IGFL2: variants seen among roughly 807,000 people sequenced by gnomAD.
IGFL2 encodes insulin growth factor-like family member 2.
A neutral mutation model predicts 13.9 loss-of-function variants in IGFL2; 7 were observed. The ratio of observed to expected loss-of-function variants is 0.51; its 90% CI spans 0.29 to 0.95. The LOEUF (loss-of-function observed/expected upper bound fraction) is 0.95. Among genes scored for constraint, IGFL2 ranks in the 40% least tolerant of loss-of-function variants. The pLI is 0.08. For synonymous variants in IGFL2, 55 were observed against 55.8 expected, an observed-to-expected ratio of 0.99 and a Z score of 0.07; for missense variants, 138 against 147.8, an observed-to-expected ratio of 0.93 and a Z score of 0.34.
At chr19:46,084,966 T>A in the IGFL2 span, among the ~76,000 whole-genome samples, 2,051 of 152,214 alleles carry the variant, frequency 0.013, 32 homozygotes, top group Middle Eastern at 0.027. Flanking sequence ...CAGTCAAAAG[T>A]CTCAAGTCTC....
At chr19:46,211,258 T>G in the IGFL2 span, among the ~76,000 whole-genome samples, 1 of 152,196 alleles carries the variant, frequency 6.6e-6, no homozygotes, top group Non-Finnish European at 1.5e-5. Context: ...TAGGCTTTGG[T>G]CAACAGAAGC....
chr19:46,156,293 G>C lies in IGFL2; in HGVS notation c.20-4122G>C, dbSNP rs149701832. On this transcript the variant is annotated intron_variant, in intron 1 of 3. Coordinates refer to ENST00000377693, the MANE Select transcript of IGFL2 (RefSeq NM_001135113.2). ...TTCCCATTTACTTAGGTGTTCTTTA[G>C]TATCTTTCAGCAGAGTTTTGCAGAG... Among the ~76,000 whole-genome samples, 6 of 152,262 alleles carry C rather than the reference G, an allele frequency of 3.9e-5. No homozygotes were observed. In the East Asian group the frequency reaches 1.2e-3, roughly 29 times the overall value.
At chr19:46,151,474 G>C (rs1052720868) in intron 1 of IGFL2, among the ~76,000 whole-genome samples, 1 of 152,144 alleles carries the variant, frequency 6.6e-6, no homozygotes, top group South Asian at 2.1e-4. Context: ...CTGTGTGTCA[G>C]CTCCTACACT....
At chr19:46,166,348 A>G in the IGFL2 span, among the ~76,000 whole-genome samples, 7 of 152,190 alleles carry the variant, frequency 4.6e-5, no homozygotes, top group African/African-American at 1.4e-4. Context: ...GCAAGTTTTT[A>G]TTAGGGATTT....
chr19:46,169,556 G>A, the IGFL2 span, among the ~76,000 whole-genome samples: 1 of 152,260 alleles, frequency 6.6e-6, no homozygotes, highest in South Asian at 2.1e-4. Context: ...GTAATTGTAT[G>A]AGAATATGGG....
chr19:46,086,092 T>A, the IGFL2 span, among the ~76,000 whole-genome samples: 1 of 152,088 alleles, frequency 6.6e-6, no homozygotes, highest in Non-Finnish European at 1.5e-5. Flanking sequence ...CTTGATATGG[T>A]CTATTTTTGA....
chr19:46,179,071 A>C, the IGFL2 span, among the ~76,000 whole-genome samples: 1 of 152,076 alleles, frequency 6.6e-6, no homozygotes, highest in African/African-American at 2.4e-5. Context: ...GAGGAGGAGA[A>C]AGAGGCAGGG....
intron 1 of IGFL2, 79 bp from the exon 2 acceptor site, chr19:46,160,336 C>A: frequency 7.6e-7 from 1 of 1,317,628 alleles, no homozygotes. Context: ...GCCTTCCCCA[C>A]CCTGGCCTGC....
the IGFL2 span, among the ~76,000 whole-genome samples, chr19:46,192,012 A>G: frequency 0.01 from 1,552 of 152,310 alleles, 28 homozygotes; most frequent in African/African-American, 0.035. Flanking sequence ...CAGCACAGCA[A>G]TAAAGTGAAA....
At position 46,160,737 on chromosome 19, in the gene IGFL2, G is replaced by T. The variant is rs375831339; in HGVS notation, c.197G>T (p.Cys66Phe). The change falls in exon 3 of 4, where the codon TGT becomes TTT. Residue 66 changes from cysteine to phenylalanine, a missense_variant. By Grantham distance (205) the Cys-to-Phe change is radical (BLOSUM62 -2). Coordinates refer to ENST00000377693, the MANE Select transcript of IGFL2 (RefSeq NM_001135113.2). ...GTGTCCCTGAGCGAGACCCGCCAAT[G>T]TGGTCCCCCCTGCACCTTCTGGCCC... The part of the protein sequence containing the change: ...AIVSLSETRQ[C>F]GPPCTFWPCF... 1 of 1,614,114 alleles carries T rather than the reference G, an allele frequency of 6.2e-7. No individual in the cohort carries two copies.
chr19:46,121,563 G>T, the IGFL2 span, among the ~76,000 whole-genome samples: 3 of 150,272 alleles, frequency 2.0e-5, no homozygotes, highest in African/African-American at 7.4e-5. Flanking sequence ...GGAATTATGA[G>T]ACAAAGACAA....
the IGFL2 span, among the ~76,000 whole-genome samples, chr19:46,180,026 G>A: frequency 6.6e-6 from 1 of 152,100 alleles, no homozygotes; most frequent in Non-Finnish European, 1.5e-5. Flanking sequence ...CTCTCCAGAA[G>A]ACAAATACAC....
the IGFL2 span, among the ~76,000 whole-genome samples, chr19:46,104,362 A>G: frequency 2.0e-5 from 3 of 152,118 alleles, no homozygotes; most frequent in Admixed American, 6.5e-5. Flanking sequence ...AGTCCGTTCT[A>G]CCTTTCCTGA....
chr19:46,165,205 G>A (rs566956060), downstream of IGFL2, among the ~76,000 whole-genome samples: 48 of 152,304 alleles, frequency 3.2e-4, 1 homozygote, highest in Non-Finnish European at 4.4e-4. Context: ...TAAATTTGAC[G>A]TAGCCAGTTA....
At position 46,160,648 on chromosome 19, in the gene IGFL2, G is replaced by A. The variant is rs373332836; in HGVS notation, c.108G>A (p.Pro36=). 238 of 1,614,046 alleles carry A rather than the reference G, an allele frequency of 1.5e-4. No individual in the cohort carries two copies. In the African/African-American group the frequency reaches 2.6e-3, roughly 18 times the overall value. Residue 36 remains proline (P), a synonymous_variant, in exon 3 of 4, where the codon CCG becomes CCA. Coordinates refer to ENST00000377693, the MANE Select transcript of IGFL2 (RefSeq NM_001135113.2). ...PAGSEPWLCQ[P]APRCGDKIYN... is the part of the protein sequence containing the mutation. ...GCTCAGAACCATGGCTGTGCCAGCCGGCACCCAGGTGTGGAGACAAGATCT... is the reference window on the plus strand; with the variant it reads ...GCTCAGAACCATGGCTGTGCCAGCCAGCACCCAGGTGTGGAGACAAGATCT...
At chr19:46,080,087 T>G in the IGFL2 span, among the ~76,000 whole-genome samples, 28 of 152,172 alleles carry the variant, frequency 1.8e-4, no homozygotes, top group African/African-American at 6.5e-4. Flanking sequence ...ACAGTGAAAA[T>G]GTAAGTTTAA....
chr19:46,147,550 A>G (rs1269483336), upstream of IGFL2, among the ~76,000 whole-genome samples: 2 of 152,166 alleles, frequency 1.3e-5, no homozygotes, highest in East Asian at 1.9e-4. Context: ...CAGTGAGACA[A>G]TCCTAAAGAA....
Position 46,161,169 on chromosome 19 carries a change from C to A in IGFL2, c.*81C>A. 1 of 1,104,456 alleles carries A rather than the reference C, an allele frequency of 9.1e-7. No individual in the cohort carries two copies. The highest frequency in any genetic ancestry group is 1.3e-6 in the Non-Finnish European group (1 of 751,132). The allele number at this position is 1,104,456 out of a possible 1,614,324, so 68.4% of individuals were successfully genotyped here. ...GGTAATATGTGTACCAGTAGAGAAG[C>A]CTGAGGAATTTACAAAATGATGCAG... On this transcript the variant is annotated 3_prime_UTR_variant, in exon 4 of 4. Coordinates refer to ENST00000377693, the MANE Select transcript of IGFL2 (RefSeq NM_001135113.2).
At chr19:46,137,151 C>A in the IGFL2 span, 9 of 1,609,042 alleles carry the variant, frequency 5.6e-6, no homozygotes, top group South Asian at 3.3e-5. Flanking sequence ...GGGGTCTCCT[C>A]TAGAGCTGGC....
Sources: gnomAD v4.1 joint callset for allele counts (sites outside exome capture counted in the v4.1 genomes callset) on GRCh38, gnomAD v4.1.1 for gene constraint, MANE v1.5 for transcripts, NCBI Gene and HGNC (gene_info 2026-07-23, HGNC 2026-07-21) for gene names.